Variants in CNDP1 observed in about 807,000 individuals in gnomAD.
The protein encoded by CNDP1 is beta-Ala-His dipeptidase.
Under a neutral mutation model 58.1 loss-of-function variants are expected in CNDP1, and 44 were observed. The observed-to-expected ratio is 0.76, with a 90% confidence interval of 0.60 to 0.97. CNDP1 has a LOEUF of 0.97. CNDP1 is among the 50% of genes least tolerant of loss of function. The pLI is 0.00. For missense variants in CNDP1, 616 were observed against 655.1 expected, an observed-to-expected ratio of 0.94 and a Z score of 0.65; for synonymous variants, 254 against 252.6, an observed-to-expected ratio of 1.01 and a Z score of -0.05.
chr18:74,560,458 A>G lies in CNDP1; in HGVS notation c.304-398A>G, dbSNP rs368648431. 2.6e-5 allele frequency among the ~76,000 whole-genome samples: 4 copies of G among 152,302 alleles called. No individual in the cohort carries two copies. The East Asian group carries it at 7.7e-4, about 29-fold the overall frequency. On this transcript the variant is annotated intron_variant, in intron 3 of 11. Coordinates refer to ENST00000358821, the MANE Select transcript of CNDP1 (RefSeq NM_032649.6). ...TGTGGCATCTCACACTTGAAATCCTAGCACTTTAGGAGGCTAAGGCGGGCG... is the reference window on the plus strand; with the variant it reads ...TGTGGCATCTCACACTTGAAATCCTGGCACTTTAGGAGGCTAAGGCGGGCG...
rs398033526 is a variant in CNDP1, at chr18:74,560,010, C to CTTTTTTTTTT, written c.303+546_303+555dup. On this transcript the variant is annotated intron_variant, in intron 3 of 11. Transcript: ENST00000358821. Reference sequence around the variant, plus strand: ...ATTTAAGCCAGTTGTCATCTGCATTCTTTTTTTTTTTTTTTTTGAGACAGA... The same window carrying CTTTTTTTTTT: ...ATTTAAGCCAGTTGTCATCTGCATTCTTTTTTTTTTTTTTTTTTTTTTTTTTTGAGACAGA... Among the ~76,000 whole-genome samples the CTTTTTTTTTT allele has an allele frequency of 1.1e-4, 13 of 121,322 alleles. 2 individuals are homozygous for CTTTTTTTTTT. Among genetic ancestry groups the CTTTTTTTTTT allele is most frequent in the East Asian group, 2.6e-4 (1 of 3,916 alleles). 79.6% of individuals were successfully genotyped at this position (121,322 alleles called of 152,430 possible). A position where few individuals can be genotyped will look rare whatever the true frequency, so the allele number is the denominator to read the frequency against.
At chr18:74,584,216 G>C (rs1981858294) in intron 11 of CNDP1, 2 of 437,282 alleles carry the variant, frequency 4.6e-6, no homozygotes, top group Non-Finnish European at 8.3e-6. Flanking sequence ...TGAGAAACAA[G>C]AAATTGTTTG....
chr18:74,538,942 G>A (rs887662329), intron 1 of CNDP1, among the ~76,000 whole-genome samples: 2 of 151,946 alleles, frequency 1.3e-5, no homozygotes, highest in Non-Finnish European at 2.9e-5. Flanking sequence ...ATTTTTCTTG[G>A]CTCTTCCAGG....
In CNDP1 at chr18:74,562,052, C is replaced by T. The variant is rs1981214155; in HGVS notation, c.472C>T (p.Leu158Phe). ...PYVLTEVDGK[L>F]YGRGATDNKG... is the part of the protein sequence containing the mutation. ...TTCTTCTCCCCTTTTTAAAGGGAAACTTTATGGACGAGGAGCGACCGACAA... is the reference window on the plus strand; with the variant it reads ...TTCTTCTCCCCTTTTTAAAGGGAAATTTTATGGACGAGGAGCGACCGACAA... The change falls in exon 5 of 12, where the codon CTT (leucine) becomes TTT (phenylalanine). Residue 158 changes from leucine to phenylalanine, a missense_variant. By Grantham distance (22) the Leu-to-Phe change is conservative. Coordinates refer to ENST00000358821, the MANE Select transcript of CNDP1 (RefSeq NM_032649.6). The T allele has an allele frequency of 6.2e-7, 1 of 1,613,882 alleles. No individual in the cohort carries two copies. The highest frequency in any genetic ancestry group is 8.5e-7 in the Non-Finnish European group (1 of 1,179,898).
At chr18:74,577,115 C>A in intron 8 of CNDP1, 86 bp downstream of exon 8, 1 of 1,204,916 alleles carries the variant, frequency 8.3e-7, no homozygotes, top group Non-Finnish European at 1.1e-6. Flanking sequence ...TTGTCTGGTG[C>A]TAATCTCCGT....
At chr18:74,580,095 CACTT>C in intron 9 of CNDP1, 31 bp from the exon 10 acceptor site, 1 of 1,587,730 alleles carries the variant, frequency 6.3e-7, no homozygotes, top group Non-Finnish European at 8.6e-7. Context: ...AATAACTTGA[CACTT>C]TCTCTTATCA....
rs141857891 is a variant in CNDP1 at position 74,548,836 on chromosome 18, G to A, written c.25-7502G>A. ...GGGAACTGGAGCAAAGCTCACCCAT[G>A]TTATGCCTTAGCAAAGAGCTTGGCT... On this transcript the variant is annotated intron_variant, in intron 1 of 11. Coordinates refer to ENST00000358821, the MANE Select transcript of CNDP1 (RefSeq NM_032649.6). 4.0e-3 allele frequency among the ~76,000 whole-genome samples: 609 copies of A among 152,340 alleles called. 5 individuals carry two copies. The highest frequency in any genetic ancestry group is 0.014 in the African/African-American group (583 of 41,576).
rs574513545 is a variant in CNDP1, at chr18:74,560,292, G to T, written c.304-564G>T. Among the ~76,000 whole-genome samples the T allele has an allele frequency of 8.3e-4, 127 of 152,304 alleles. 1 individual carries two copies. Among genetic ancestry groups the T allele is most frequent in the African/African-American group, 2.9e-3 (122 of 41,560 alleles). On this transcript the variant is annotated intron_variant, in intron 3 of 11. Coordinates refer to ENST00000358821, the MANE Select transcript of CNDP1 (RefSeq NM_032649.6). ...GCTTCCCAAAGTGCTGGGATTACAG[G>T]CATGAGCCACCGTGCCCGGCCCGTC...
chr18:74,549,780 A>G (rs374388680), intron 1 of CNDP1, among the ~76,000 whole-genome samples: 21 of 152,328 alleles, frequency 1.4e-4, no homozygotes, highest in African/African-American at 5.1e-4. Context: ...TAGGAGGACT[A>G]AATGGTTCCA....
chr18:74,540,491 G>A (rs1980592336), intron 1 of CNDP1, among the ~76,000 whole-genome samples: 2 of 152,178 alleles, frequency 1.3e-5, no homozygotes, highest in South Asian at 4.1e-4. Context: ...GACCTTGAGT[G>A]CCTGGAATGG....
chr18:74,576,757 C>T (rs571544572), intron 7 of CNDP1, 112 bp from the exon 8 acceptor site: 294 of 915,188 alleles, frequency 3.2e-4, no homozygotes, highest in Non-Finnish European at 4.3e-4. Context: ...GGGACCCAGA[C>T]AGTCAAGAGG....
At chr18:74,550,753 T>C (rs983700159) in intron 1 of CNDP1, among the ~76,000 whole-genome samples, 31 of 150,774 alleles carry the variant, frequency 2.1e-4, no homozygotes, top group African/African-American at 7.1e-4. Flanking sequence ...TTTTTTTTTT[T>C]TGTTTTTTGT....
Position 74,559,481 on chromosome 18 carries a change from C to G in CNDP1, c.303+9C>G, listed in dbSNP as rs746871286. The G allele has an allele frequency of 4.9e-5, 79 of 1,596,496 alleles. No individual in the cohort carries two copies. The highest frequency in any genetic ancestry group is 4.5e-4 in the Admixed American group (26 of 57,384). On this transcript the variant is annotated intron_variant, in intron 3 of 11. Coordinates refer to ENST00000358821, the MANE Select transcript of CNDP1 (RefSeq NM_032649.6). The stretch of plus-strand genomic sequence containing the variant: ...ACATGGGTCCTCAGCAGGTGCTGTA[C>G]GATTCCCTCCCACTGAGGGAGGTGC...
At chr18:74,576,589 T>C in intron 7 of CNDP1, 1 of 355,594 alleles carries the variant, frequency 2.8e-6, no homozygotes, top group Non-Finnish European at 5.0e-6. Flanking sequence ...GGTAACTCAC[T>C]CCGACCTCAT....
chr18:74,579,193 C>T (rs189143042), intron 9 of CNDP1, among the ~76,000 whole-genome samples: 4 of 77,940 alleles, frequency 5.1e-5, no homozygotes, highest in African/African-American at 1.2e-4. Context: ...CCCTTTCCTT[C>T]CCTTCCCTTG....
rs569577468 is a variant in CNDP1, at chr18:74,579,145, T to A, written c.1167+818T>A. ...TTCCTTCCTTCCTTCCCTGCCTCTC[T>A]CCTGCCCTCTCTCCTCCCTCTCTCC... On this transcript the variant is annotated intron_variant, in intron 9 of 11. Transcript: ENST00000358821. Among the ~76,000 whole-genome samples the A allele has an allele frequency of 4.1e-5, 6 of 144,596 alleles. No individual in the cohort carries two copies. The South Asian group carries it at 1.3e-3, about 32-fold the overall frequency. The allele number at this position is 144,596 out of a possible 152,430, so 94.9% of individuals were successfully genotyped here.
intron 5 of CNDP1, among the ~76,000 whole-genome samples, chr18:74,564,985 G>A (rs1981290872): frequency 6.6e-6 from 1 of 152,210 alleles, no homozygotes; most frequent in South Asian, 2.1e-4. Flanking sequence ...AGAAAAAGAG[G>A]TTTAATTGGA....
intron 2 of CNDP1, among the ~76,000 whole-genome samples, chr18:74,558,529 G>A (rs1336179599): frequency 6.6e-6 from 1 of 151,544 alleles, no homozygotes; most frequent in Non-Finnish European, 1.5e-5. Context: ...CAAGTAGCTG[G>A]GACTACAGGC....
At chr18:74,537,705 C>T (rs1353844231) in intron 1 of CNDP1, among the ~76,000 whole-genome samples, 1 of 152,166 alleles carries the variant, frequency 6.6e-6, no homozygotes, top group Non-Finnish European at 1.5e-5. Flanking sequence ...TGATGTGCCT[C>T]CTCTGTGCTC....
Sources: gnomAD v4.1 joint callset for allele counts (sites outside exome capture counted in the v4.1 genomes callset) on GRCh38, gnomAD v4.1.1 for gene constraint, MANE v1.5 for transcripts, NCBI Gene and HGNC (gene_info 2026-07-23, HGNC 2026-07-21) for gene names.